SAMM50: variants seen among roughly 807,000 people sequenced by gnomAD.
SAMM50 encodes sorting and assembly machinery component 50 homolog.
SAMM50 carries 47 observed loss-of-function variants against 66.9 expected under a neutral mutation model. The ratio of observed to expected loss-of-function variants is 0.70; its 90% CI spans 0.56 to 0.90. The LOEUF (loss-of-function observed/expected upper bound fraction) is 0.90, where lower values mean the gene tolerates loss of function less well. SAMM50 is among the 40% of genes least tolerant of loss of function. The pLI, the probability that SAMM50 is intolerant of heterozygous loss-of-function variation, is 0.00. For missense variants in SAMM50, 535 were observed against 595.3 expected, an observed-to-expected ratio of 0.90 and a Z score of 1.05; for synonymous variants, 191 against 214.1, an observed-to-expected ratio of 0.89 and a Z score of 0.94.
At chr22:43,985,517 T>C (rs1197862170) in intron 12 of SAMM50, among the ~76,000 whole-genome samples, 1 of 152,100 alleles carries the variant, frequency 6.6e-6, no homozygotes, top group Non-Finnish European at 1.5e-5. Context: ...CATGTCTTTC[T>C]GGGACCCAAT....
At chr22:43,985,984 G>A (rs1471784176) in intron 12 of SAMM50, among the ~76,000 whole-genome samples, 3 of 148,648 alleles carry the variant, frequency 2.0e-5, no homozygotes, top group East Asian at 1.9e-4. Context: ...ATTCACCTTC[G>A]AACTGAATGT....
intron 1 of SAMM50, among the ~76,000 whole-genome samples, chr22:43,956,629 G>A (rs1046078552): frequency 6.6e-6 from 1 of 152,220 alleles, no homozygotes; most frequent in Non-Finnish European, 1.5e-5. Flanking sequence ...GAAAAGAGAG[G>A]AAACCTCAAA....
At chr22:43,982,916 G>A (rs948862670) in intron 11 of SAMM50, among the ~76,000 whole-genome samples, 3 of 152,202 alleles carry the variant, frequency 2.0e-5, no homozygotes, top group African/African-American at 4.8e-5. Flanking sequence ...GATTACAGGC[G>A]CGAGCTACCG....
chr22:43,995,969 C>T (rs533359652), intron 14 of SAMM50, among the ~76,000 whole-genome samples: 1 of 152,194 alleles, frequency 6.6e-6, no homozygotes, highest in African/African-American at 2.4e-5. Flanking sequence ...TGCCTCTCCT[C>T]CATCCTCACT....
At position 43,989,174 on chromosome 22, in the gene SAMM50, T is replaced by G. The variant is rs776596324; in HGVS notation, c.1139T>G (p.Phe380Cys). ...CTGCACCTCTACACCCCATTACCTT[T>G]CCGGCCAGGCCAGGGTGGCTTTGGA... is the stretch of plus-strand genomic sequence containing the variant. ...GGLHLYTPLP[F>C]RPGQGGFGEL... Residue 380 changes from phenylalanine (F) to cysteine (C), a missense_variant, in exon 13 of 15, where the codon TTC (phenylalanine) becomes TGC (cysteine). Physicochemically the swap from Phe to Cys is radical, Grantham distance 205. Coordinates refer to ENST00000350028, the MANE Select transcript of SAMM50 (RefSeq NM_015380.5). 3.7e-6 allele frequency: 6 copies of G among 1,614,154 alleles called. No individual in the cohort carries two copies. In the South Asian group the frequency reaches 4.4e-5, roughly 12 times the overall value.
At position 43,955,498 on chromosome 22, in the gene SAMM50, C is replaced by G. The variant is rs1261935771; in HGVS notation, c.-80C>G. The G allele has an allele frequency of 1.3e-5, 19 of 1,519,916 alleles. 1 individual carries two copies. In the South Asian group the frequency reaches 2.1e-4, roughly 17 times the overall value. 94.2% of individuals were successfully genotyped at this position (1,519,916 alleles called of 1,614,324 possible). A position where few individuals can be genotyped will look rare whatever the true frequency, so the allele number is the denominator to read the frequency against. On this transcript the variant is annotated 5_prime_UTR_variant, in exon 1 of 15. Coordinates refer to ENST00000350028, the MANE Select transcript of SAMM50 (RefSeq NM_015380.5). ...GCCTTGACCTGCAGCTCCGCCACCG[C>G]GGACCCGCCTTCTGCCCTCAGCAGC...
At position 43,963,316 on chromosome 22, in the gene SAMM50, G is replaced by A. The variant is rs983788832; in HGVS notation, c.52G>A (p.Asp18Asn). ...SLEPLPSSGP[D>N]FGGLGEEAEF... ...GGAGCCTCTTCCATCAAGTGGACCT[G>A]ATTTTGGAGGATTAGGAGAAGAAGC... Residue 18 changes from aspartate to asparagine, a missense_variant, in exon 2 of 15, where the codon GAT (aspartate) becomes AAT (asparagine). Physicochemically the swap from Asp to Asn is conservative, Grantham distance 23. Coordinates refer to ENST00000350028, the MANE Select transcript of SAMM50 (RefSeq NM_015380.5). 1.9e-6 allele frequency: 3 copies of A among 1,612,728 alleles called. No homozygotes were observed. The highest frequency in any genetic ancestry group is 2.5e-6 in the Non-Finnish European group (3 of 1,179,670).
At chr22:43,990,433 A>G (rs1253132399) in intron 14 of SAMM50, 27 bp downstream of exon 14, 1 of 1,606,532 alleles carries the variant, frequency 6.2e-7, no homozygotes, top group East Asian at 2.2e-5. Context: ...ATTTTCCACA[A>G]TCACATCCCA....
chr22:43,996,268 G>C, intron 14 of SAMM50, 70 bp from the exon 15 acceptor site: 1 of 1,537,322 alleles, frequency 6.5e-7, no homozygotes, highest in Non-Finnish European at 9.0e-7. Context: ...AGAGGCGCAT[G>C]CTCAGTGAGT....
chr22:43,979,924 C>G (rs990358493), intron 10 of SAMM50, among the ~76,000 whole-genome samples: 3 of 151,574 alleles, frequency 2.0e-5, no homozygotes, highest in Admixed American at 6.6e-5. Flanking sequence ...CTCCCACTCC[C>G]TGCCTTTAAG....
chr22:43,996,378 C>T lies in SAMM50; in HGVS notation c.1405C>T (p.Leu469=). ...CCAGTTTGGAGCTGGGATAAGGTTC[C>T]TGTAGCCGACACCCCTACAGGAGAA... ...GVQFGAGIRF[L] The change falls in exon 15 of 15, where the codon CTG becomes TTG. Residue 469 remains leucine (L), a synonymous_variant. Transcript: ENST00000350028. 2 of 1,614,210 alleles carry T rather than the reference C, an allele frequency of 1.2e-6. No individual in the cohort carries two copies. Among genetic ancestry groups the T allele is most frequent in the Non-Finnish European group, 1.7e-6 (2 of 1,180,022 alleles).
intron 14 of SAMM50, among the ~76,000 whole-genome samples, chr22:43,992,734 G>A (rs1330263658): frequency 6.6e-6 from 1 of 152,248 alleles, no homozygotes; most frequent in South Asian, 2.1e-4. Context: ...TTGGCGCACC[G>A]CCTGGCCTGG....
Position 43,955,446 on chromosome 22 carries a change from T to C in SAMM50, c.-132T>C. Reference sequence around the variant, plus strand: ...CGGGGAATCATGGCCGCCCCCAGTGTTCCGCGTCCGGGGGTTTGTGGGAGT... The same window carrying C: ...CGGGGAATCATGGCCGCCCCCAGTGCTCCGCGTCCGGGGGTTTGTGGGAGT... On this transcript the variant is annotated 5_prime_UTR_variant, in exon 1 of 15. Transcript: ENST00000350028. 9.5e-7 allele frequency: 1 copy of C among 1,057,356 alleles called. No homozygotes were observed. The highest frequency in any genetic ancestry group is 2.4e-4 in the Middle Eastern group (1 of 4,250). The allele number at this position is 1,057,356 out of a possible 1,614,324, so 65.5% of individuals were successfully genotyped here.
chr22:43,996,419 C>G lies in SAMM50; in HGVS notation c.*36C>G, dbSNP rs372073890. 6.2e-7 allele frequency: 1 copy of G among 1,604,634 alleles called. No individual in the cohort carries two copies. The highest frequency in any genetic ancestry group is 1.3e-5 in the African/African-American group (1 of 74,844). ...TACAGGAGAAGCTCTGGGACTGGGGCAGCAGCAAGGCGCCCATGCCACACA... is the reference window on the plus strand; with the variant it reads ...TACAGGAGAAGCTCTGGGACTGGGGGAGCAGCAAGGCGCCCATGCCACACA... On this transcript the variant is annotated 3_prime_UTR_variant, in exon 15 of 15. Coordinates refer to ENST00000350028, the MANE Select transcript of SAMM50 (RefSeq NM_015380.5).
rs2050274405 is a variant in SAMM50 at position 43,983,327 on chromosome 22, T to C, written c.1008-606T>C. On this transcript the variant is annotated intron_variant, in intron 11 of 14. Transcript: ENST00000350028. The surrounding 1 kb of genome is among the most constrained non-coding windows in gnomAD (Gnocchi z 4.2). ...TCGGGTTCTAATATGCTGTTCAATT[T>C]TTCAGAAAGTGGATGGGTTTTTATG... Among the ~76,000 whole-genome samples, 1 of 152,244 alleles carries C rather than the reference T, an allele frequency of 6.6e-6. No individual in the cohort carries two copies. Among genetic ancestry groups the C allele is most frequent in the East Asian group, 1.9e-4 (1 of 5,204 alleles).
chr22:43,972,647 G>C (rs1455142748), intron 5 of SAMM50, among the ~76,000 whole-genome samples: 1 of 152,170 alleles, frequency 6.6e-6, no homozygotes, highest in Admixed American at 6.5e-5. Flanking sequence ...GGGTGGCAAG[G>C]TTAGCTTGTC....
At position 43,977,887 on chromosome 22, in the gene SAMM50, A is replaced by G; in HGVS notation, c.865A>G (p.Thr289Ala). 1.9e-6 allele frequency: 3 copies of G among 1,611,780 alleles called. No homozygotes were observed. Among genetic ancestry groups the G allele is most frequent in the Non-Finnish European group, 1.7e-6 (2 of 1,178,530 alleles). ...TTCCCTGCAGGAACTGGCAGGCTACACTGGCGGGGATGTGAGCTTCATCAA... is the reference window on the plus strand; with the variant it reads ...TTCCCTGCAGGAACTGGCAGGCTACGCTGGCGGGGATGTGAGCTTCATCAA... ...LKVNQELAGYTGGDVSFIKED... is the reference protein window; with the variant it reads ...LKVNQELAGYAGGDVSFIKED... The change falls in exon 10 of 15, where the codon ACT becomes GCT. Residue 289 changes from threonine (T) to alanine (A), a missense_variant. Physicochemically the swap from Thr to Ala is moderately conservative, Grantham distance 58. Coordinates refer to ENST00000350028, the MANE Select transcript of SAMM50 (RefSeq NM_015380.5).
intron 14 of SAMM50, among the ~76,000 whole-genome samples, chr22:43,992,250 T>C (rs1049896369): frequency 3.9e-5 from 6 of 152,246 alleles, no homozygotes; most frequent in Non-Finnish European, 8.8e-5. Context: ...CGCAAGTGTT[T>C]CTGAGCATCG....
At chr22:43,993,256 G>A (rs2050335024) in intron 14 of SAMM50, among the ~76,000 whole-genome samples, 3 of 152,188 alleles carry the variant, frequency 2.0e-5, no homozygotes, top group Non-Finnish European at 4.4e-5. Context: ...TGCTGCTCTG[G>A]GACCCGCCAC....
Sources: gnomAD v4.1 joint callset for allele counts (sites outside exome capture counted in the v4.1 genomes callset) on GRCh38, gnomAD v4.1.1 for gene constraint, Gnocchi (gnomAD v3.1) non-coding constraint, MANE v1.5 for transcripts, NCBI Gene and HGNC (gene_info 2026-07-23, HGNC 2026-07-21) for gene names.